ADGRB3: variants seen among roughly 807,000 people sequenced by gnomAD.
The protein encoded by ADGRB3 is brain-specific angiogenesis inhibitor 3.
Under a neutral mutation model 193.4 loss-of-function variants are expected in ADGRB3, and 37 were observed. The observed-to-expected ratio is 0.19, with a 90% confidence interval of 0.15 to 0.25. The LOEUF (loss-of-function observed/expected upper bound fraction) is 0.25, where lower values mean the gene tolerates loss of function less well. ADGRB3 is among the 10% of genes least tolerant of loss of function. The pLI is 1.00. For missense variants in ADGRB3, 1,637 were observed against 1,852.9 expected, an observed-to-expected ratio of 0.88 and a Z score of 2.14; for synonymous variants, 690 against 644.2, an observed-to-expected ratio of 1.07 and a Z score of -1.08.
rs149187368 is a variant in ADGRB3 at position 68,820,998 on chromosome 6, G to A, written c.758-109561G>A. Among the ~76,000 whole-genome samples, 1,329 of 152,052 alleles carry A rather than the reference G, an allele frequency of 8.7e-3. 12 individuals carry two copies. The highest frequency in any genetic ancestry group is 0.012 in the Non-Finnish European group (847 of 67,902). ...TGACAGGTCTGGTCTGTTATTCAAG[G>A]CCCCCTTCAAATGTCACCTTCCTTA... On this transcript the variant is annotated intron_variant, in intron 3 of 31. Coordinates refer to ENST00000370598, the MANE Select transcript of ADGRB3 (RefSeq NM_001704.3).
intron 3 of ADGRB3, among the ~76,000 whole-genome samples, chr6:68,641,836 C>T (rs527630602): frequency 2.6e-5 from 4 of 152,018 alleles, no homozygotes; most frequent in Admixed American, 2.6e-4. Flanking sequence ...AAAGTATATT[C>T]TATCTTCAAT....
intron 3 of ADGRB3, among the ~76,000 whole-genome samples, chr6:68,648,137 A>G (rs1768258380): frequency 6.6e-6 from 1 of 152,196 alleles, no homozygotes; most frequent in African/African-American, 2.4e-5. Flanking sequence ...AAAGTTTAAT[A>G]AAGTATTTCT....
At chr6:69,273,351 G>T (rs1326210274) in intron 20 of ADGRB3, among the ~76,000 whole-genome samples, 3 of 152,108 alleles carry the variant, frequency 2.0e-5, no homozygotes, top group African/African-American at 7.2e-5. Flanking sequence ...AAAAAATGTG[G>T]CCATGTAGAC....
intron 17 of ADGRB3, among the ~76,000 whole-genome samples, chr6:69,124,407 A>T (rs752242587): frequency 1.3e-5 from 2 of 152,154 alleles, no homozygotes; most frequent in Non-Finnish European, 2.9e-5. Flanking sequence ...ACTACAGACT[A>T]TCTGAGTTAG....
chr6:69,282,350 A>G (rs1411494501), intron 20 of ADGRB3, among the ~76,000 whole-genome samples: 1 of 152,204 alleles, frequency 6.6e-6, no homozygotes, highest in Non-Finnish European at 1.5e-5. Flanking sequence ...AAAAAGCAGT[A>G]CAAAAATGCC....
chr6:68,804,181 A>G (rs1057313176), intron 3 of ADGRB3, among the ~76,000 whole-genome samples: 7 of 152,198 alleles, frequency 4.6e-5, no homozygotes, highest in Non-Finnish European at 1.0e-4. Context: ...TAACTTTTGT[A>G]GTAACTACAC....
chr6:69,192,467 C>T (rs1043133203), intron 17 of ADGRB3, among the ~76,000 whole-genome samples: 5 of 152,164 alleles, frequency 3.3e-5, no homozygotes, highest in African/African-American at 1.2e-4. Flanking sequence ...AAATGTTAAT[C>T]TCCTTTGGTA....
intron 17 of ADGRB3, among the ~76,000 whole-genome samples, chr6:69,207,606 G>T (rs1561952787): frequency 6.6e-6 from 1 of 152,166 alleles, no homozygotes. Context: ...CTGATTCAGA[G>T]CATACATGGC....
chr6:68,967,020 A>G (rs1460899796), intron 8 of ADGRB3, among the ~76,000 whole-genome samples: 1 of 152,232 alleles, frequency 6.6e-6, no homozygotes, highest in Non-Finnish European at 1.5e-5. Context: ...GTCACCTTTG[A>G]TAAAATAGTT....
intron 17 of ADGRB3, among the ~76,000 whole-genome samples, chr6:69,206,045 GTATATATATATATA>G (rs56741913): frequency 2.0e-4 from 20 of 99,928 alleles, no homozygotes; most frequent in South Asian, 4.1e-4. Flanking sequence ...TATAATAATG[GTATATATATATATA>G]TATATATATA....
At chr6:69,297,131 C>A (rs1459992072) in intron 20 of ADGRB3, among the ~76,000 whole-genome samples, 1 of 152,148 alleles carries the variant, frequency 6.6e-6, no homozygotes, top group East Asian at 1.9e-4. Context: ...TGGTCAGCAA[C>A]CTTTGGTGCT....
At chr6:69,112,595 A>G (rs1399584171) in intron 17 of ADGRB3, among the ~76,000 whole-genome samples, 2 of 152,228 alleles carry the variant, frequency 1.3e-5, no homozygotes, top group Non-Finnish European at 2.9e-5. Flanking sequence ...GTGTGTATAT[A>G]TAGCAGGCCT....
chr6:69,122,374 G>C (rs561726231), intron 17 of ADGRB3, among the ~76,000 whole-genome samples: 1 of 149,634 alleles, frequency 6.7e-6, no homozygotes, highest in Non-Finnish European at 1.5e-5. Flanking sequence ...ACGGGAGCCC[G>C]GGGCAGGGAG....
chr6:69,273,445 A>C (rs1177447226), intron 20 of ADGRB3, among the ~76,000 whole-genome samples: 3 of 152,186 alleles, frequency 2.0e-5, no homozygotes, highest in Non-Finnish European at 4.4e-5. Context: ...CTCCAAGTAG[A>C]TTATATTATG....
chr6:69,137,660 G>C (rs1465864480), intron 17 of ADGRB3, among the ~76,000 whole-genome samples: 1 of 152,024 alleles, frequency 6.6e-6, no homozygotes, highest in Non-Finnish European at 1.5e-5. Flanking sequence ...AGCCGGGCAT[G>C]GTGGCTGGCT....
chr6:68,665,660 G>A (rs900958916), intron 3 of ADGRB3, among the ~76,000 whole-genome samples: 1 of 151,198 alleles, frequency 6.6e-6, no homozygotes, highest in Non-Finnish European at 1.5e-5. Flanking sequence ...TGCTAATTGG[G>A]GCTTCATTTT....
chr6:69,031,059 CTCT>C lies in ADGRB3; in HGVS notation c.2107+12564_2107+12566del, dbSNP rs1224382881. Among the ~76,000 whole-genome samples the C allele has an allele frequency of 7.1e-4, 29 of 41,084 alleles. 3 individuals carry two copies. The highest frequency in any genetic ancestry group is 2.5e-3 in the African/African-American group (27 of 10,968). The allele number at this position is 41,084 out of a possible 152,430, so 27.0% of individuals were successfully genotyped here. On this transcript the variant is annotated intron_variant, in intron 13 of 31. Coordinates refer to ENST00000370598, the MANE Select transcript of ADGRB3 (RefSeq NM_001704.3). ...CTTCTCTCTTCTCTTCTCTTCTCTT[CTCT>C]TCTCTTCTCTTCTCTTCTCTTCTCT...
intron 13 of ADGRB3, among the ~76,000 whole-genome samples, chr6:69,031,058 TC>T (rs1770654210): frequency 3.1e-5 from 1 of 32,008 alleles, no homozygotes; most frequent in South Asian, 9.0e-4. Flanking sequence ...TCTCTTCTCT[TC>T]TCTTCTCTTC....
chr6:69,085,699 A>G (rs913512177), intron 17 of ADGRB3, among the ~76,000 whole-genome samples: 2 of 151,784 alleles, frequency 1.3e-5, no homozygotes, highest in African/African-American at 4.8e-5. Flanking sequence ...GTTAATAACC[A>G]TTTTGCAGGT....
Sources: allele counts gnomAD v4.1 joint callset (sites outside exome capture counted in the v4.1 genomes callset), GRCh38; gene constraint gnomAD v4.1.1; transcripts MANE v1.5; gene names NCBI Gene and HGNC (gene_info 2026-07-23, HGNC 2026-07-21).